The following SESN3 variants were observed in gnomAD, a reference collection of about 807,000 sequenced individuals.
SESN3 encodes the protein sestrin-3.
In SESN3, 21 loss-of-function variants were observed where a neutral mutation model predicts 55.3. The observed-to-expected ratio is 0.38, with a 90% CI of 0.27 to 0.55. SESN3 has a LOEUF of 0.55. Ranked by LOEUF, SESN3 falls within the 20% of genes least tolerant of loss-of-function variation. SESN3 has a pLI of 0.76. For missense variants in SESN3, 408 were observed against 604.3 expected (o/e 0.68, Z 3.41); for synonymous variants, 181 against 203.1 (o/e 0.89, Z 0.93).
At chr11:95,227,405 C>G (rs1860967564) in intron 1 of SESN3, among the ~76,000 whole-genome samples, 1 of 152,070 alleles carries the variant, frequency 6.6e-6, no homozygotes, top group Non-Finnish European at 1.5e-5. Flanking sequence ...GGGGTTTCAC[C>G]ATGTTGGCCA....
rs771705768 is a variant in SESN3, at chr11:95,185,509, A to C, written c.526-17T>G. The C allele has an allele frequency of 7.4e-6, 11 of 1,477,058 alleles. No homozygotes were observed. The South Asian group carries it at 1.1e-4, about 15-fold the overall frequency. 91.5% of individuals were successfully genotyped at this position (1,477,058 alleles called of 1,614,324 possible). On this transcript the variant is annotated splice_polypyrimidine_tract_variant and intron_variant, in intron 4 of 9. Transcript: ENST00000536441. The stretch of plus-strand genomic sequence containing the variant: ...GACAAGTTTCTGAAATAAGAAAGCA[A>C]ATCAGAGCAAATATAAAAATTCTAG...
intron 1 of SESN3, among the ~76,000 whole-genome samples, chr11:95,209,968 G>A (rs1353287111): frequency 8.7e-6 from 1 of 115,146 alleles, no homozygotes; most frequent in Non-Finnish European, 1.7e-5. Context: ...AGTGAGCCAA[G>A]AACACGCCAT....
chr11:95,175,649 G>A lies in SESN3; in HGVS notation c.1248-7C>T. ...ATAATCATAGTCATCATACCTACGA[G>A]CAATACAACAATAGCTTTATAATGA... On this transcript the variant is annotated splice_polypyrimidine_tract_variant and splice_region_variant and intron_variant, in intron 8 of 9. Transcript: ENST00000536441. 8 of 1,606,012 alleles carry A rather than the reference G, an allele frequency of 5.0e-6. No individual in the cohort carries two copies. The highest frequency in any genetic ancestry group is 6.8e-6 in the Non-Finnish European group (8 of 1,174,252).
intron 1 of SESN3, among the ~76,000 whole-genome samples, chr11:95,207,761 A>G (rs1214636400): frequency 1.3e-5 from 2 of 151,484 alleles, no homozygotes; most frequent in Non-Finnish European, 2.9e-5. Flanking sequence ...ACATAATTTA[A>G]TAGCAGAAGA....
rs568014338 is a variant in SESN3 at position 95,230,393 on chromosome 11, T to A, written c.78+390A>T. On this transcript the variant is annotated intron_variant, in intron 1 of 9. Coordinates refer to ENST00000536441, the MANE Select transcript of SESN3 (RefSeq NM_144665.4). This position sits in a 1 kb window ranked among gnomAD's most constrained non-coding sequence, Gnocchi z 4.6. ...GTTCCTCGGGATCCGACCCAGCTGC[T>A]CTGATTTCACACCGACCTCCATCAA... 1.7e-5 allele frequency: 3 copies of A among 178,576 alleles called. No homozygotes were observed. In the East Asian group the frequency reaches 5.3e-4, roughly 31 times the overall value. The allele number at this position is 178,576 out of a possible 1,614,324, so 11.1% of individuals were successfully genotyped here.
chr11:95,206,540 GTAAT>G (rs1343631959), intron 1 of SESN3, among the ~76,000 whole-genome samples: 8 of 152,086 alleles, frequency 5.3e-5, no homozygotes, highest in African/African-American at 1.9e-4. Flanking sequence ...ATCTGTGAAA[GTAAT>G]TATCTTCTAA....
chr11:95,177,695 A>C, intron 8 of SESN3, 24 bp downstream of exon 8: 1 of 1,560,854 alleles, frequency 6.4e-7, no homozygotes, highest in Non-Finnish European at 8.7e-7. Flanking sequence ...GAAATGTAAA[A>C]AACTGTCTCT....
chr11:95,228,960 C>T (rs971107588), intron 1 of SESN3, among the ~76,000 whole-genome samples: 3 of 152,144 alleles, frequency 2.0e-5, no homozygotes, highest in Non-Finnish European at 2.9e-5. Flanking sequence ...CCATAGCTCT[C>T]TCAAAAGAAA....
chr11:95,232,165 A>C (rs2134280699), upstream of SESN3: 1 of 152,416 alleles, frequency 6.6e-6, no homozygotes. Context: ...ACCTCTTCTA[A>C]AGCTTAAAAT....
At chr11:95,203,262 A>T (rs1469361267) in intron 1 of SESN3, among the ~76,000 whole-genome samples, 1 of 152,146 alleles carries the variant, frequency 6.6e-6, no homozygotes, top group East Asian at 1.9e-4. Context: ...AGCTTAGAGG[A>T]ATCAGGGAAA....
chr11:95,222,336 A>G (rs1234996931), intron 1 of SESN3, among the ~76,000 whole-genome samples: 1 of 152,232 alleles, frequency 6.6e-6, no homozygotes, highest in Non-Finnish European at 1.5e-5. Flanking sequence ...GCTCGAAAGC[A>G]AAAACAAAGA....
chr11:95,218,349 C>A (rs1227979835), intron 1 of SESN3, among the ~76,000 whole-genome samples: 1 of 152,200 alleles, frequency 6.6e-6, no homozygotes, highest in East Asian at 1.9e-4. Context: ...GCATAAGTTG[C>A]AAGTCATCAC....
intron 9 of SESN3, among the ~76,000 whole-genome samples, chr11:95,174,050 G>C (rs147648035): frequency 3.0e-4 from 46 of 152,178 alleles, no homozygotes; most frequent in African/African-American, 1.0e-3. Flanking sequence ...TCTAGAAAAG[G>C]AAGAAAATCT....
Position 95,170,615 on chromosome 11 carries a change from C to T in SESN3, c.*2640G>A, listed in dbSNP as rs952035398. 1 of 152,090 alleles carries T rather than the reference C, an allele frequency of 6.6e-6. No individual in the cohort carries two copies. Among genetic ancestry groups the T allele is most frequent in the Non-Finnish European group, 1.5e-5 (1 of 68,004 alleles). 9.4% of individuals were successfully genotyped at this position (152,090 alleles called of 1,614,324 possible). A position where few individuals can be genotyped will look rare whatever the true frequency, so the allele number is the denominator to read the frequency against. ...TTCAATACTCTGAAAAAATACCACC[C>T]TGGAAAACCGCATCAGAATTTCAAG... On this transcript the variant is annotated 3_prime_UTR_variant, in exon 10 of 10. Coordinates refer to ENST00000536441, the MANE Select transcript of SESN3 (RefSeq NM_144665.4).
At position 95,193,519 on chromosome 11, in the gene SESN3, T is replaced by C. The variant is rs1860305818; in HGVS notation, c.82A>G (p.Lys28Glu). Residue 28 changes from lysine to glutamate, a missense_variant, in exon 2 of 10, where the codon AAA becomes GAA. Lys to Glu is a moderately conservative substitution (Grantham distance 56). Coordinates refer to ENST00000536441, the MANE Select transcript of SESN3 (RefSeq NM_144665.4). The stretch of plus-strand genomic sequence containing the variant: ...AAGGGTTGAGACACTCTGATTCTTT[T>C]ATCCTATTTTTAAAAGAAAAGTTTT... Reference protein sequence around the residue: ...TNCRKVLRKDKRIRVSQPLTR... With the variant: ...TNCRKVLRKDERIRVSQPLTR... 5 of 1,579,964 alleles carry C rather than the reference T, an allele frequency of 3.2e-6. No individual in the cohort carries two copies. Among genetic ancestry groups the C allele is most frequent in the Non-Finnish European group, 4.3e-6 (5 of 1,152,960 alleles).
chr11:95,174,470 G>C lies in SESN3; in HGVS notation c.1392+1028C>G, dbSNP rs140831517. 2.8e-3 allele frequency among the ~76,000 whole-genome samples: 433 copies of C among 152,212 alleles called. 3 individuals are homozygous for C. The highest frequency in any genetic ancestry group is 9.6e-3 in the African/African-American group (400 of 41,548). Reference sequence around the variant, plus strand: ...TACTGTCAAAACACTAAATTACCAAGTTTGGGTAAAAATCTATTGTCTTTT... The same window carrying C: ...TACTGTCAAAACACTAAATTACCAACTTTGGGTAAAAATCTATTGTCTTTT... On this transcript the variant is annotated intron_variant, in intron 9 of 9. Transcript: ENST00000536441.
At chr11:95,213,726 C>G in intron 1 of SESN3, among the ~76,000 whole-genome samples, 1 of 152,036 alleles carries the variant, frequency 6.6e-6, no homozygotes, top group Admixed American at 6.6e-5. Context: ...ATGAATGACC[C>G]ATAATTTAGT....
intron 1 of SESN3, among the ~76,000 whole-genome samples, chr11:95,224,099 AT>A (rs1201828961): frequency 1.3e-5 from 2 of 152,172 alleles, no homozygotes; most frequent in Admixed American, 1.3e-4. Context: ...ATTTTCCCCA[AT>A]CTGTTGTGAT....
At chr11:95,208,622 A>G (rs570110633) in intron 1 of SESN3, among the ~76,000 whole-genome samples, 3 of 151,608 alleles carry the variant, frequency 2.0e-5, no homozygotes, top group South Asian at 4.3e-4. Flanking sequence ...GATGATCCTA[A>G]GCAAAAAGAG....
Sources: allele counts gnomAD v4.1 joint callset (sites outside exome capture counted in the v4.1 genomes callset), GRCh38; gene constraint gnomAD v4.1.1; non-coding constraint Gnocchi (gnomAD v3.1); transcripts MANE v1.5; gene names NCBI Gene and HGNC (gene_info 2026-07-23, HGNC 2026-07-21).